Variants in HYDIN observed in about 807,000 individuals in gnomAD.
HYDIN encodes HYDIN axonemal central pair apparatus protein.
HYDIN carries 132 observed loss-of-function variants against 403.9 expected under a neutral mutation model. The observed-to-expected ratio is 0.33, with a 90% CI of 0.28 to 0.38. The LOEUF is 0.38. HYDIN is among the 10% of genes least tolerant of loss of function. The probability of loss-of-function intolerance (pLI) is 1.00; values close to 1 mark genes in which losing one functional copy is unlikely to be tolerated. For synonymous variants in HYDIN, 1,202 were observed against 1,891.7 expected, an observed-to-expected ratio of 0.64 and a Z score of 9.46; for missense variants, 2,827 against 5,009.5, an observed-to-expected ratio of 0.56 and a Z score of 13.15.
chr16:70,954,938 G>A (rs1026835307), intron 40 of HYDIN, among the ~76,000 whole-genome samples: 2 of 152,028 alleles, frequency 1.3e-5, no homozygotes, highest in Non-Finnish European at 2.9e-5. Context: ...CCCCATCTTT[G>A]CCTACTAATA....
In HYDIN at chr16:70,895,916, C is replaced by T. The variant is rs1478570851; in HGVS notation, c.9148+65G>A. The T allele has an allele frequency of 2.0e-6, 3 of 1,503,042 alleles. No homozygotes were observed. The Admixed American group carries it at 6.7e-5, about 33-fold the overall frequency. The allele number at this position is 1,503,042 out of a possible 1,614,324, so 93.1% of individuals were successfully genotyped here. On this transcript the variant is annotated intron_variant, in intron 54 of 85. Transcript: ENST00000393567. ...CTAACAACACACTAGCCTTTCTCTA[C>T]ACAGAAATACACTATACAAAAGACC...
intron 23 of HYDIN, among the ~76,000 whole-genome samples, chr16:71,008,222 C>G (rs570107357): frequency 6.6e-6 from 1 of 150,910 alleles, no homozygotes; most frequent in South Asian, 2.1e-4. Flanking sequence ...GGATCCATAC[C>G]CCAAACTTTA....
At chr16:71,039,267 T>C (rs1448280706) in intron 18 of HYDIN, among the ~76,000 whole-genome samples, 1 of 152,240 alleles carries the variant, frequency 6.6e-6, no homozygotes, top group South Asian at 2.1e-4. Flanking sequence ...GCACCTCGTC[T>C]ATCATAGATT....
rs558909550 is a variant in HYDIN at position 71,183,517 on chromosome 16, T to C, written c.261+1348A>G. ...TAATAACAAACAATCTTTGGGCACA[T>C]GGGCTAAAAGATTAACTTATGAGGG... On this transcript the variant is annotated intron_variant, in intron 3 of 85. Transcript: ENST00000393567. Among the ~76,000 whole-genome samples the C allele has an allele frequency of 6.4e-4, 97 of 152,226 alleles. No homozygotes were observed. In the South Asian group the frequency reaches 0.02, roughly 31 times the overall value.
chr16:70,940,466 G>A (rs1342644807), intron 43 of HYDIN, among the ~76,000 whole-genome samples: 3 of 151,824 alleles, frequency 2.0e-5, no homozygotes, highest in Non-Finnish European at 4.4e-5. Flanking sequence ...CGACAAACAT[G>A]AGATTTTAGT....
At chr16:70,917,769 CCTTAA>C (rs2076885504) in intron 47 of HYDIN, among the ~76,000 whole-genome samples, 1 of 132,828 alleles carries the variant, frequency 7.5e-6, no homozygotes, top group African/African-American at 2.8e-5. Flanking sequence ...GCGCATGTCC[CCTTAA>C]CTTGTGTGTG....
intron 18 of HYDIN, among the ~76,000 whole-genome samples, chr16:71,059,785 G>A (rs1455549818): frequency 1.3e-5 from 2 of 152,020 alleles, no homozygotes; most frequent in Non-Finnish European, 2.9e-5. Context: ...TAAAATAAAA[G>A]TTTAAAAAAA....
At chr16:71,165,359 G>T (rs923663981) in intron 5 of HYDIN, among the ~76,000 whole-genome samples, 5 of 151,722 alleles carry the variant, frequency 3.3e-5, no homozygotes, top group Non-Finnish European at 7.4e-5. Flanking sequence ...TCAGCACTTG[G>T]CACGGCGATC....
chr16:70,833,876 T>G lies in HYDIN; in HGVS notation c.13679+11A>C. 6.2e-7 allele frequency: 1 copy of G among 1,603,954 alleles called. No individual in the cohort carries two copies. The highest frequency in any genetic ancestry group is 2.2e-5 in the East Asian group (1 of 44,470). ...GGGGCAGCCTCAGGGTGGGAGACAC[T>G]GCTCCCTTACCTTGCACCCACATCG... On this transcript the variant is annotated intron_variant, in intron 79 of 85. Coordinates refer to ENST00000393567, the MANE Select transcript of HYDIN (RefSeq NM_001270974.2).
At position 70,941,750 on chromosome 16, in the gene HYDIN, C is replaced by T. The variant is rs372754655; in HGVS notation, c.6739G>A (p.Ala2247Thr). Residue 2247 changes from alanine (A) to threonine (T), a missense_variant, in exon 43 of 86, where the codon GCC becomes ACC. By Grantham distance (58) the Ala-to-Thr change is moderately conservative. Coordinates refer to ENST00000393567, the MANE Select transcript of HYDIN (RefSeq NM_001270974.2). ...DTLFAQNAAA[A>T]LLCLLKAIGS... Reference sequence around the variant, plus strand: ...ATGGCCTTCAGCAGGCAGAGGAGGGCGGCTGCAGCATTCTGAGCAAAGAGA... The same window carrying T: ...ATGGCCTTCAGCAGGCAGAGGAGGGTGGCTGCAGCATTCTGAGCAAAGAGA... 30 of 1,592,886 alleles carry T rather than the reference C, an allele frequency of 1.9e-5. No individual in the cohort carries two copies. The Middle Eastern group carries it at 5.0e-4, about 26-fold the overall frequency.
chr16:71,202,448 A>C (rs527843355), intron 1 of HYDIN, among the ~76,000 whole-genome samples: 1 of 152,318 alleles, frequency 6.6e-6, no homozygotes, highest in South Asian at 2.1e-4. Flanking sequence ...TTCATATTTT[A>C]ATGTAAACAA....
chr16:70,842,088 G>T lies in HYDIN; in HGVS notation c.12874-1855C>A, dbSNP rs112351457. On this transcript the variant is annotated intron_variant, in intron 75 of 85. Transcript: ENST00000393567. ...ATTTCAATCCTTTTAATTTATTGAG[G>T]TATGTTTTATGGCCTAATATCTGGT... Among the ~76,000 whole-genome samples the T allele has an allele frequency of 2.0e-5, 3 of 150,712 alleles. No homozygotes were observed. In the South Asian group the frequency reaches 6.2e-4, roughly 31 times the overall value.
intron 36 of HYDIN, 68 bp from the exon 37 acceptor site, chr16:70,964,964 T>G (rs2078529215): frequency 1.1e-6 from 1 of 944,022 alleles, no homozygotes; most frequent in Non-Finnish European, 1.6e-6. Context: ...TAAGTGGGTC[T>G]GCTCACTGAT....
At chr16:71,027,507 C>T (rs2080750434) in intron 20 of HYDIN, 95 bp downstream of exon 20, 1 of 1,540,842 alleles carries the variant, frequency 6.5e-7, no homozygotes, top group Non-Finnish European at 8.7e-7. Context: ...CCATATCCTT[C>T]CTCAGATAAA....
chr16:70,890,324 C>T (rs1244758795), intron 57 of HYDIN, among the ~76,000 whole-genome samples: 3 of 152,174 alleles, frequency 2.0e-5, no homozygotes, highest in African/African-American at 7.2e-5. Context: ...GTTCAACCCC[C>T]TTTCGTGTGT....
chr16:70,845,904 T>G (rs1287408831), intron 75 of HYDIN, among the ~76,000 whole-genome samples: 3 of 145,084 alleles, frequency 2.1e-5, no homozygotes, highest in Non-Finnish European at 4.5e-5. Flanking sequence ...TTATCATTTT[T>G]GATTGTGTCT....
chr16:71,163,278 A>G (rs1030370960), intron 5 of HYDIN, among the ~76,000 whole-genome samples: 1 of 151,174 alleles, frequency 6.6e-6, no homozygotes, highest in Non-Finnish European at 1.5e-5. Flanking sequence ...ACCCGCCACC[A>G]CGCCCGGCTA....
rs1414231926 is a variant in HYDIN at position 71,175,652 on chromosome 16, T to G, written c.471A>C (p.Gly157=). ...PKDIGHKVAP[G]VPSIFRILFT... is the part of the protein sequence containing the mutation. ...AGAGGATTCGGAATATGGAAGGCAC[T>G]CCAGGAGCCACTTTGTGGCCAATAT... Residue 157 remains glycine, a synonymous_variant, in exon 5 of 86, where the codon GGA becomes GGC. Transcript: ENST00000393567. 3 of 1,614,012 alleles carry G rather than the reference T, an allele frequency of 1.9e-6. No homozygotes were observed. The highest frequency in any genetic ancestry group is 2.5e-6 in the Non-Finnish European group (3 of 1,179,942).
At position 70,932,326 on chromosome 16, in the gene HYDIN, G is replaced by A. The variant is rs566986464; in HGVS notation, c.7158+3626C>T. Among the ~76,000 whole-genome samples, 30 of 152,294 alleles carry A rather than the reference G, an allele frequency of 2.0e-4. No homozygotes were observed. The South Asian group carries it at 6.0e-3, about 31-fold the overall frequency. On this transcript the variant is annotated intron_variant, in intron 45 of 85. Transcript: ENST00000393567. The stretch of plus-strand genomic sequence containing the variant: ...GCCGAGATCGAGCCACTGCATTCCT[G>A]CTTAGACGACAGAGCAAGATTCTGT...
Sources: allele counts gnomAD v4.1 joint callset (sites outside exome capture counted in the v4.1 genomes callset), GRCh38; gene constraint gnomAD v4.1.1; transcripts MANE v1.5; gene names NCBI Gene and HGNC (gene_info 2026-07-23, HGNC 2026-07-21).